The following CCNY variants were observed in gnomAD, a reference collection of about 807,000 sequenced individuals.
CCNY encodes cyclin-Y.
In CCNY, 19 loss-of-function variants were observed where a neutral mutation model predicts 42.8. That is an observed-to-expected ratio of 0.44 (90% confidence interval 0.31 to 0.65). CCNY has a LOEUF of 0.65. Ranked by LOEUF, CCNY falls within the 30% of genes least tolerant of loss-of-function variation. CCNY has a pLI of 0.07. For synonymous variants in CCNY, 165 were observed against 162.7 expected (o/e 1.01, Z -0.11); for missense variants, 370 against 437.3 (o/e 0.85, Z 1.37).
At chr10:35,545,735 C>T (rs1292183451) in intron 7 of CCNY, among the ~76,000 whole-genome samples, 1 of 151,926 alleles carries the variant, frequency 6.6e-6, no homozygotes, top group Non-Finnish European at 1.5e-5. Flanking sequence ...TAAGATCTCT[C>T]CAGGGATACC....
At chr10:35,249,343 A>T (rs1009527534) in intron 2 of CCNY, among the ~76,000 whole-genome samples, 1 of 152,202 alleles carries the variant, frequency 6.6e-6, no homozygotes, top group Non-Finnish European at 1.5e-5. Flanking sequence ...TCTGTTTTGC[A>T]AGCAATGAAG....
At chr10:35,271,074 T>G (rs1317645063) in intron 3 of CCNY, among the ~76,000 whole-genome samples, 1 of 152,104 alleles carries the variant, frequency 6.6e-6, no homozygotes, top group African/African-American at 2.4e-5. Flanking sequence ...TGGCCTGACA[T>G]GTAAGGGATT....
At chr10:35,294,020 C>A (rs559408590) in intron 3 of CCNY, among the ~76,000 whole-genome samples, 3 of 152,286 alleles carry the variant, frequency 2.0e-5, no homozygotes, top group Admixed American at 1.3e-4. Flanking sequence ...GAACTCCTGA[C>A]CTCAAATGAT....
intron 3 of CCNY, among the ~76,000 whole-genome samples, chr10:35,330,225 G>C (rs775247286): frequency 1.3e-5 from 2 of 152,210 alleles, no homozygotes; most frequent in Non-Finnish European, 1.5e-5. Flanking sequence ...TTCCTATTCA[G>C]AGGAACCATT....
chr10:35,536,626 T>C (rs1051337118), intron 7 of CCNY, among the ~76,000 whole-genome samples: 15 of 152,150 alleles, frequency 9.9e-5, no homozygotes, highest in Non-Finnish European at 8.8e-5. Context: ...GAGGAACTTG[T>C]TGGGAACTGG....
intron 3 of CCNY, among the ~76,000 whole-genome samples, chr10:35,509,371 G>A (rs944809777): frequency 3.9e-5 from 6 of 152,258 alleles, no homozygotes; most frequent in African/African-American, 1.4e-4. Context: ...TGCCTTCCCG[G>A]TTCAAGTGAT....
intron 1 of CCNY, among the ~76,000 whole-genome samples, chr10:35,462,962 G>A (rs940299404): frequency 1.3e-5 from 2 of 152,236 alleles, no homozygotes; most frequent in Admixed American, 1.3e-4. Context: ...TGGGGAAATG[G>A]TTGCAGCGGC....
At chr10:35,345,113 A>G (rs1169839394) in intron 1 of CCNY, among the ~76,000 whole-genome samples, 5 of 152,190 alleles carry the variant, frequency 3.3e-5, no homozygotes, top group African/African-American at 9.7e-5. Context: ...GCTGGGCGAA[A>G]TGGTATTTCT....
At chr10:35,402,935 AT>A (rs1159967212) in intron 1 of CCNY, among the ~76,000 whole-genome samples, 1 of 152,192 alleles carries the variant, frequency 6.6e-6, no homozygotes, top group Non-Finnish European at 1.5e-5. Flanking sequence ...CTGAAGAATT[AT>A]GTCTGACAGA....
At chr10:35,497,383 A>G (rs1401003196) in intron 2 of CCNY, among the ~76,000 whole-genome samples, 1 of 152,252 alleles carries the variant, frequency 6.6e-6, no homozygotes, top group Non-Finnish European at 1.5e-5. Context: ...AATTTATTTT[A>G]AAGACAGATT....
chr10:35,406,653 T>A (rs1443731577), intron 1 of CCNY, among the ~76,000 whole-genome samples: 3 of 152,174 alleles, frequency 2.0e-5, no homozygotes, highest in Non-Finnish European at 4.4e-5. Context: ...ACGGCAACCA[T>A]CCGATTTCTC....
intron 2 of CCNY, among the ~76,000 whole-genome samples, chr10:35,497,494 T>C (rs1212252327): frequency 2.0e-5 from 3 of 152,220 alleles, no homozygotes; most frequent in Middle Eastern, 3.4e-3. Context: ...TCCCAGCGCT[T>C]TGGGAGGCCG....
At chr10:35,288,614 A>G (rs1195881253) in intron 3 of CCNY, among the ~76,000 whole-genome samples, 1 of 152,192 alleles carries the variant, frequency 6.6e-6, no homozygotes, top group Non-Finnish European at 1.5e-5. Flanking sequence ...TAGCACTTAC[A>G]TTTAAGGTAT....
chr10:35,435,081 A>T (rs897259296), intron 1 of CCNY, among the ~76,000 whole-genome samples: 2 of 152,238 alleles, frequency 1.3e-5, no homozygotes. Context: ...GATTGGGGCA[A>T]TGAGTTGAGG....
intron 1 of CCNY, among the ~76,000 whole-genome samples, chr10:35,470,573 A>G (rs969582554): frequency 2.6e-5 from 4 of 152,228 alleles, no homozygotes; most frequent in East Asian, 1.9e-4. Flanking sequence ...ACAACTAAAT[A>G]TAAGTGTGTT....
intron 3 of CCNY, among the ~76,000 whole-genome samples, chr10:35,265,764 C>G (rs1268081588): frequency 6.6e-6 from 1 of 152,196 alleles, no homozygotes; most frequent in Non-Finnish European, 1.5e-5. Context: ...GAATGGCTCT[C>G]CAAAGCACAT....
chr10:35,356,773 A>T (rs996863572), intron 1 of CCNY, among the ~76,000 whole-genome samples: 3 of 152,150 alleles, frequency 2.0e-5, no homozygotes, highest in African/African-American at 7.2e-5. Flanking sequence ...GTTTACTGTG[A>T]TCCATTCTCT....
chr10:35,465,786 T>C (rs983488292), intron 1 of CCNY, among the ~76,000 whole-genome samples: 1 of 152,106 alleles, frequency 6.6e-6, no homozygotes, highest in African/African-American at 2.4e-5. Context: ...CGTCGAAATC[T>C]CACCTGCTCT....
chr10:35,559,772 G>A (rs764313732), intron 8 of CCNY, among the ~76,000 whole-genome samples: 3 of 152,210 alleles, frequency 2.0e-5, no homozygotes, highest in Non-Finnish European at 4.4e-5. Context: ...AGATGGTACC[G>A]AGGCCAGCAG....
Sources: allele counts gnomAD v4.1 joint callset (sites outside exome capture counted in the v4.1 genomes callset), GRCh38; gene constraint gnomAD v4.1.1; transcripts MANE v1.5; gene names NCBI Gene and HGNC (gene_info 2026-07-23, HGNC 2026-07-21).